Variants in CUX1 observed in about 807,000 individuals in gnomAD.
CUX1 encodes protein CASP.
Under a neutral mutation model 158.8 loss-of-function variants are expected in CUX1, and 31 were observed. That is an observed-to-expected ratio of 0.20 (90% CI 0.15 to 0.26). The LOEUF is 0.26. CUX1 is among the 10% of genes least tolerant of loss of function. The pLI, the probability that CUX1 is intolerant of heterozygous loss-of-function variation, is 1.00. For missense variants in CUX1, 1,589 were observed against 2,014.6 expected, an observed-to-expected ratio of 0.79 and a Z score of 4.04; for synonymous variants, 879 against 862.1, an observed-to-expected ratio of 1.02 and a Z score of -0.34.
Position 102,037,348 on chromosome 7 carries a change from TC to T in CUX1, c.189+9204del, listed in dbSNP as rs1821552663. On this transcript the variant is annotated intron_variant, in intron 3 of 23. Transcript: ENST00000292535. ...TGGGCTGGGTAGAATTTCTTTCTTT[TC>T]TTTTCTTTTTTTTTTTTTTTGAGAC... Among the ~76,000 whole-genome samples, 6 of 150,366 alleles carry T rather than the reference TC, an allele frequency of 4.0e-5. No individual in the cohort carries two copies. In the South Asian group the frequency reaches 1.1e-3, roughly 27 times the overall value.
chr7:101,818,034 T>C (rs1792072099), intron 1 of CUX1, among the ~76,000 whole-genome samples: 1 of 152,200 alleles, frequency 6.6e-6, no homozygotes, highest in Non-Finnish European at 1.5e-5. Flanking sequence ...TCTTGCCTAC[T>C]AAGAACGATA....
chr7:102,140,482 G>A (rs1554499881), intron 8 of CUX1, among the ~76,000 whole-genome samples: 1 of 151,828 alleles, frequency 6.6e-6, no homozygotes, highest in African/African-American at 2.4e-5. Flanking sequence ...CTGAACTCAG[G>A]CAATCCACCT....
chr7:102,228,689 T>G (rs1225760564), intron 21 of CUX1, among the ~76,000 whole-genome samples: 1 of 152,160 alleles, frequency 6.6e-6, no homozygotes, highest in East Asian at 1.9e-4. Flanking sequence ...GTTCAGCTAC[T>G]CGGGAGGCTG....
In CUX1 at chr7:101,860,711, C is replaced by G. The variant is rs1055875924; in HGVS notation, c.30+43042C>G. Reference sequence around the variant, plus strand: ...CCTGTCCTTTCCTTTCCTTTATCCTCTCTCTCTTTTATCTCCCCTTCCTCC... The same window carrying G: ...CCTGTCCTTTCCTTTCCTTTATCCTGTCTCTCTTTTATCTCCCCTTCCTCC... On this transcript the variant is annotated intron_variant, in intron 1 of 23. Transcript: ENST00000292535. Among the ~76,000 whole-genome samples, 5 of 151,204 alleles carry G rather than the reference C, an allele frequency of 3.3e-5. No homozygotes were observed. The East Asian group carries it at 9.7e-4, about 29-fold the overall frequency.
intron 20 of CUX1, among the ~76,000 whole-genome samples, chr7:102,225,081 G>A (rs1055553029): frequency 6.6e-6 from 1 of 152,124 alleles, no homozygotes; most frequent in Non-Finnish European, 1.5e-5. Flanking sequence ...CTGGTGACCC[G>A]GGGGGTGAGC....
intron 14 of CUX1, among the ~76,000 whole-genome samples, chr7:102,195,893 C>A (rs1554518169): frequency 6.6e-6 from 1 of 152,194 alleles, no homozygotes; most frequent in African/African-American, 2.4e-5. Context: ...CGGAGGACGT[C>A]GGCCTTTCTG....
intron 3 of CUX1, among the ~76,000 whole-genome samples, chr7:102,053,191 G>C (rs1823736179): frequency 6.6e-6 from 1 of 152,154 alleles, no homozygotes; most frequent in Non-Finnish European, 1.5e-5. Context: ...TTTCCCTAAT[G>C]AGTATTGGCA....
At chr7:102,190,118 G>C (rs1794119647) in intron 12 of CUX1, among the ~76,000 whole-genome samples, 1 of 152,258 alleles carries the variant, frequency 6.6e-6, no homozygotes, top group Admixed American at 6.5e-5. Flanking sequence ...AGGTATTCCA[G>C]AATGTATGGA....
At chr7:102,072,725 A>C (rs1237229780) in intron 4 of CUX1, among the ~76,000 whole-genome samples, 1 of 152,164 alleles carries the variant, frequency 6.6e-6, no homozygotes, top group East Asian at 1.9e-4. Context: ...CCCTGCCTGC[A>C]GACCCTATTT....
At chr7:102,072,795 T>C (rs1341662246) in intron 4 of CUX1, among the ~76,000 whole-genome samples, 1 of 152,170 alleles carries the variant, frequency 6.6e-6, no homozygotes, top group African/African-American at 2.4e-5. Context: ...CACTGGCATT[T>C]TCTTGTGCAT....
chr7:101,912,080 G>T (rs139264713), intron 1 of CUX1, among the ~76,000 whole-genome samples: 2 of 152,178 alleles, frequency 1.3e-5, no homozygotes, highest in Non-Finnish European at 2.9e-5. Context: ...GGGCCCGCAG[G>T]TGTTTCTAGC....
chr7:101,902,998 T>C (rs567106558), intron 1 of CUX1, among the ~76,000 whole-genome samples: 1 of 152,298 alleles, frequency 6.6e-6, no homozygotes, highest in African/African-American at 2.4e-5. Flanking sequence ...ATAAAAAGAA[T>C]AATAGAAGGC....
chr7:101,946,027 A>G (rs572235113), intron 2 of CUX1, among the ~76,000 whole-genome samples: 47 of 152,304 alleles, frequency 3.1e-4, no homozygotes, highest in African/African-American at 1.1e-3. Flanking sequence ...AGGTCAAGGT[A>G]GAATTGTGGA....
chr7:101,838,647 C>G (rs1229249290), intron 1 of CUX1, among the ~76,000 whole-genome samples: 1 of 151,630 alleles, frequency 6.6e-6, no homozygotes, highest in Non-Finnish European at 1.5e-5. Flanking sequence ...TACTAAAATA[C>G]AAAAAATTAG....
At chr7:101,915,713 G>C (rs1804112669) in intron 1 of CUX1, among the ~76,000 whole-genome samples, 1 of 152,200 alleles carries the variant, frequency 6.6e-6, no homozygotes, top group Admixed American at 6.5e-5. Flanking sequence ...CAGGAGAGTG[G>C]CTGGCTGGAA....
intron 22 of CUX1, among the ~76,000 whole-genome samples, chr7:102,234,841 A>T (rs572046261): frequency 6.6e-6 from 1 of 152,030 alleles, no homozygotes; most frequent in Non-Finnish European, 1.5e-5. Context: ...CTGAGGCACA[A>T]GAATCGCTTG....
intron 20 of CUX1, among the ~76,000 whole-genome samples, chr7:102,222,256 C>G (rs1289238140): frequency 6.6e-5 from 10 of 152,042 alleles, no homozygotes; most frequent in Admixed American, 2.0e-4. Context: ...CCAGCTGGAG[C>G]AACAGAGCAA....
At position 101,840,367 on chromosome 7, in the gene CUX1, TAGA is replaced by T. The variant is rs565620896; in HGVS notation, c.30+22701_30+22703del. Among the ~76,000 whole-genome samples, 470 of 152,324 alleles carry T rather than the reference TAGA, an allele frequency of 3.1e-3. 1 individual carries two copies. Among genetic ancestry groups the T allele is most frequent in the Non-Finnish European group, 5.4e-3 (367 of 68,036 alleles). Reference sequence around the variant, plus strand: ...TCTTTCTACCAAAGGAGATTTTTGGTAGAAGGTTTAACCAGGTGAAGGAACTAC... The same window carrying T: ...TCTTTCTACCAAAGGAGATTTTTGGTAGGTTTAACCAGGTGAAGGAACTAC... On this transcript the variant is annotated intron_variant, in intron 1 of 23. Coordinates refer to ENST00000292535, the MANE Select transcript of CUX1 (RefSeq NM_181552.4).
At position 101,984,139 on chromosome 7, in the gene CUX1, CATAT is replaced by C. The variant is rs1222076197; in HGVS notation, c.142-43952_142-43949del. ...ATATATATATATATATACACACACA[CATAT>C]ATATATGTGTGTGTGTGTGTGTGTG... On this transcript the variant is annotated intron_variant, in intron 2 of 23. Coordinates refer to ENST00000292535, the MANE Select transcript of CUX1 (RefSeq NM_181552.4). 2.3e-3 allele frequency among the ~76,000 whole-genome samples: 107 copies of C among 45,684 alleles called. 2 individuals carry two copies. The highest frequency in any genetic ancestry group is 3.6e-3 in the Non-Finnish European group (73 of 20,498). 30.0% of individuals were successfully genotyped at this position (45,684 alleles called of 152,430 possible). A position where few individuals can be genotyped will look rare whatever the true frequency, so the allele number is the denominator to read the frequency against.
Sources: gnomAD v4.1 joint callset for allele counts (sites outside exome capture counted in the v4.1 genomes callset) on GRCh38, gnomAD v4.1.1 for gene constraint, MANE v1.5 for transcripts, NCBI Gene and HGNC (gene_info 2026-07-23, HGNC 2026-07-21) for gene names.